PEPD: variants seen among roughly 807,000 people sequenced by gnomAD.
PEPD encodes xaa-Pro dipeptidase.
Under a neutral mutation model 60.7 loss-of-function variants are expected in PEPD, and 53 were observed. That is an observed-to-expected ratio of 0.87 (90% CI 0.70 to 1.10). PEPD has a LOEUF of 1.10. PEPD is among the 50% of genes least tolerant of loss of function. The probability of loss-of-function intolerance (pLI) is 0.00; values close to 1 mark genes in which losing one functional copy is unlikely to be tolerated. For missense variants in PEPD, 711 were observed against 711.9 expected (o/e 1.00, Z 0.01); for synonymous variants, 267 against 284.1 (o/e 0.94, Z 0.60).
At chr19:33,447,893 G>A (rs1382067107) in intron 9 of PEPD, among the ~76,000 whole-genome samples, 1 of 152,204 alleles carries the variant, frequency 6.6e-6, no homozygotes, top group Non-Finnish European at 1.5e-5. Flanking sequence ...ATGGCCTTGT[G>A]CGGGAGGTTC....
intron 9 of PEPD, among the ~76,000 whole-genome samples, chr19:33,458,810 T>TA (rs201520050): frequency 1.8e-3 from 250 of 135,602 alleles, no homozygotes; most frequent in Middle Eastern, 3.5e-3. Flanking sequence ...AGGGCATGTG[T>TA]GTGGTGTATG....
intron 3 of PEPD, among the ~76,000 whole-genome samples, chr19:33,502,819 A>G (rs1354676308): frequency 1.3e-5 from 2 of 151,874 alleles, no homozygotes; most frequent in Admixed American, 1.3e-4. Flanking sequence ...GTGCACTTTC[A>G]TTTTCAATAA....
intron 1 of PEPD, among the ~76,000 whole-genome samples, chr19:33,514,962 G>T (rs921049651): frequency 6.6e-6 from 1 of 152,038 alleles, no homozygotes; most frequent in Non-Finnish European, 1.5e-5. Flanking sequence ...AACTCCTAAC[G>T]TGGGGCCAGG....
At chr19:33,407,926 G>A (rs1568455715) in intron 11 of PEPD, among the ~76,000 whole-genome samples, 1 of 152,232 alleles carries the variant, frequency 6.6e-6, no homozygotes, top group Non-Finnish European at 1.5e-5. Context: ...GAAGCGGGAA[G>A]GGGCCCGGGG....
chr19:33,449,545 C>T (rs1162178777), intron 9 of PEPD, among the ~76,000 whole-genome samples: 2 of 152,220 alleles, frequency 1.3e-5, no homozygotes, highest in East Asian at 3.8e-4. Context: ...TGCAGGGTCA[C>T]AGCAGGAGAA....
At chr19:33,490,796 T>C (rs1203848697) in intron 5 of PEPD, among the ~76,000 whole-genome samples, 1 of 152,178 alleles carries the variant, frequency 6.6e-6, no homozygotes, top group South Asian at 2.1e-4. Flanking sequence ...CTCGAGTAGC[T>C]GGGATTACAG....
chr19:33,412,954 A>T lies in PEPD; in HGVS notation c.740+621T>A, dbSNP rs1430777044. 3.9e-5 allele frequency among the ~76,000 whole-genome samples: 6 copies of T among 152,218 alleles called. No individual in the cohort carries two copies. The East Asian group carries it at 1.2e-3, about 29-fold the overall frequency. On this transcript the variant is annotated intron_variant, in intron 10 of 14. Transcript: ENST00000244137. ...GCCCACACAGCATGGCAATGATCCC[A>T]TATCACTGTCATTTCTACCATGTGT...
intron 3 of PEPD, among the ~76,000 whole-genome samples, chr19:33,506,872 C>T (rs1366177385): frequency 6.6e-6 from 1 of 150,894 alleles, no homozygotes; most frequent in Non-Finnish European, 1.5e-5. Context: ...ACCCTACACA[C>T]CACACACCCC....
intron 9 of PEPD, among the ~76,000 whole-genome samples, chr19:33,439,536 C>T (rs1224325208): frequency 6.6e-6 from 1 of 152,236 alleles, no homozygotes; most frequent in African/African-American, 2.4e-5. Context: ...TTGAGCCTCC[C>T]CAGCTGCTCT....
Position 33,387,184 on chromosome 19 carries a change from C to T in PEPD, c.*160G>A, listed in dbSNP as rs931149529. 2.5e-6 allele frequency: 2 copies of T among 787,814 alleles called. No individual in the cohort carries two copies. The highest frequency in any genetic ancestry group is 2.5e-5 in the East Asian group (1 of 39,522). 48.8% of individuals were successfully genotyped at this position (787,814 alleles called of 1,614,324 possible). On this transcript the variant is annotated 3_prime_UTR_variant, in exon 15 of 15. Transcript: ENST00000244137. ...AAAAGGGTAATTAAAAAAGTGTTTC[C>T]TCCCCGGGAAACAGCACTGTTTGGT...
chr19:33,398,699 C>T (rs548643535), intron 12 of PEPD, among the ~76,000 whole-genome samples: 25 of 152,344 alleles, frequency 1.6e-4, no homozygotes, highest in African/African-American at 6.0e-4. Context: ...GGAGTGGCGC[C>T]CCTGGGCGAC....
chr19:33,436,946 G>A (rs969285665), intron 9 of PEPD, among the ~76,000 whole-genome samples: 5 of 152,232 alleles, frequency 3.3e-5, no homozygotes, highest in African/African-American at 1.2e-4. Context: ...GTTAAAGTCC[G>A]ATGAGGCAGA....
At chr19:33,428,523 G>A (rs1379625667) in intron 9 of PEPD, among the ~76,000 whole-genome samples, 1 of 151,362 alleles carries the variant, frequency 6.6e-6, no homozygotes, top group South Asian at 2.1e-4. Flanking sequence ...CAGGAGCTGG[G>A]AGGATGTCCA....
intron 9 of PEPD, among the ~76,000 whole-genome samples, chr19:33,458,898 T>C (rs1969876276): frequency 3.9e-5 from 1 of 25,574 alleles, no homozygotes; most frequent in African/African-American, 1.2e-4. Context: ...GGGGCATGTG[T>C]CTGGTTGGGG....
intron 9 of PEPD, among the ~76,000 whole-genome samples, chr19:33,442,758 T>A (rs1969508133): frequency 6.6e-6 from 1 of 151,806 alleles, no homozygotes; most frequent in South Asian, 2.1e-4. Context: ...AATAAATAAA[T>A]AAAATAATGG....
At chr19:33,475,409 C>T (rs1042474059) in intron 7 of PEPD, among the ~76,000 whole-genome samples, 8 of 150,058 alleles carry the variant, frequency 5.3e-5, no homozygotes, top group African/African-American at 2.0e-4. Flanking sequence ...ATCATGACTA[C>T]AGTGGACCCA....
intron 9 of PEPD, among the ~76,000 whole-genome samples, chr19:33,429,527 T>G (rs1000444286): frequency 2.0e-5 from 3 of 152,252 alleles, no homozygotes; most frequent in African/African-American, 7.2e-5. Context: ...TCTATTAAAC[T>G]ATACACAGCA....
intron 9 of PEPD, among the ~76,000 whole-genome samples, chr19:33,430,793 A>G (rs1218614677): frequency 6.6e-6 from 1 of 152,112 alleles, no homozygotes; most frequent in Non-Finnish European, 1.5e-5. Flanking sequence ...CAGTGGACAC[A>G]GCGCACACTC....
At chr19:33,517,352 G>A (rs1272266850) in intron 1 of PEPD, among the ~76,000 whole-genome samples, 2 of 151,946 alleles carry the variant, frequency 1.3e-5, no homozygotes, top group East Asian at 3.9e-4. Context: ...CTGAGGTCAG[G>A]AGTTCGATAC....
Sources: gnomAD v4.1 joint callset for allele counts (sites outside exome capture counted in the v4.1 genomes callset) on GRCh38, gnomAD v4.1.1 for gene constraint, MANE v1.5 for transcripts, NCBI Gene and HGNC (gene_info 2026-07-23, HGNC 2026-07-21) for gene names.